The following LYPD6B variants were observed in gnomAD, a reference collection of about 807,000 sequenced individuals.
LYPD6B encodes the protein ly6/PLAUR domain-containing protein 6B.
A neutral mutation model predicts 22.8 loss-of-function variants in LYPD6B; 17 were observed. That is an observed-to-expected ratio of 0.75 (90% confidence interval 0.51 to 1.12). The LOEUF is 1.12. Ranked by LOEUF, LYPD6B falls within the 50% of genes most tolerant of loss-of-function variation. The pLI is 0.00. For missense variants in LYPD6B, 221 were observed against 258.3 expected (o/e 0.86, Z 0.99); for synonymous variants, 106 against 91.6 (o/e 1.16, Z -0.90).
intron 1 of LYPD6B, among the ~76,000 whole-genome samples, chr2:149,072,984 A>T (rs148122028): frequency 0.015 from 2,353 of 152,276 alleles, 58 homozygotes; most frequent in African/African-American, 0.054. Context: ...CTGGGATGGG[A>T]ACTTAACCTC....
intron 1 of LYPD6B, among the ~76,000 whole-genome samples, chr2:149,047,216 T>A (rs1574868057): frequency 6.6e-6 from 1 of 152,228 alleles, no homozygotes; most frequent in South Asian, 2.1e-4. Context: ...AATTTAACAT[T>A]TGTTGTAGTG....
intron 3 of LYPD6B, among the ~76,000 whole-genome samples, chr2:149,202,608 G>A (rs182735009): frequency 9.2e-5 from 14 of 152,218 alleles, no homozygotes; most frequent in Non-Finnish European, 1.6e-4. Context: ...TGTTTTGCCC[G>A]CATGTATTGC....
chr2:149,079,977 G>A (rs550283559), intron 1 of LYPD6B, among the ~76,000 whole-genome samples: 9 of 152,272 alleles, frequency 5.9e-5, no homozygotes, highest in African/African-American at 9.6e-5. Flanking sequence ...CTTCTTTCCC[G>A]ATTTCTGAGA....
intron 1 of LYPD6B, among the ~76,000 whole-genome samples, chr2:149,069,579 G>A (rs1226073283): frequency 1.3e-5 from 2 of 152,170 alleles, no homozygotes; most frequent in Non-Finnish European, 2.9e-5. Flanking sequence ...CAGGAAGGAT[G>A]TGTGGTCTGG....
intron 2 of LYPD6B, among the ~76,000 whole-genome samples, chr2:149,135,066 G>T (rs891446077): frequency 6.6e-6 from 1 of 151,944 alleles, no homozygotes; most frequent in South Asian, 2.1e-4. Flanking sequence ...CCGACATGAT[G>T]AAACCCCATC....
chr2:149,148,964 A>C (rs530443853), intron 2 of LYPD6B, among the ~76,000 whole-genome samples: 268 of 152,292 alleles, frequency 1.8e-3, no homozygotes, highest in African/African-American at 5.9e-3. Flanking sequence ...AGTGCTGTGA[A>C]GAGGTGGTGA....
intron 3 of LYPD6B, among the ~76,000 whole-genome samples, chr2:149,163,488 G>A (rs1485105402): frequency 6.6e-6 from 1 of 152,182 alleles, no homozygotes; most frequent in East Asian, 1.9e-4. Context: ...CCGGGCTTGT[G>A]TAAGAACCTT....
intron 1 of LYPD6B, among the ~76,000 whole-genome samples, chr2:149,042,761 A>T (rs1440161230): frequency 6.6e-6 from 1 of 152,236 alleles, no homozygotes; most frequent in African/African-American, 2.4e-5. Flanking sequence ...TGCAGTCATT[A>T]GAAACAAACT....
intron 2 of LYPD6B, among the ~76,000 whole-genome samples, chr2:149,132,908 A>G (rs1272770203): frequency 6.6e-6 from 1 of 152,144 alleles, no homozygotes; most frequent in East Asian, 1.9e-4. Context: ...ATTTTTTTCT[A>G]TGGTGCATTT....
intron 3 of LYPD6B, among the ~76,000 whole-genome samples, chr2:149,162,148 G>GGATCATCATCATCAT (rs903422364): frequency 6.6e-6 from 1 of 152,082 alleles, no homozygotes; most frequent in African/African-American, 2.4e-5. Flanking sequence ...AACAGTGTCA[G>GGATCATCATCATCAT]GATCATCATC....
intron 1 of LYPD6B, 22 bp from the exon 2 acceptor site, chr2:149,130,861 C>A: frequency 1.0e-6 from 1 of 972,794 alleles, no homozygotes; most frequent in South Asian, 1.3e-5. Flanking sequence ...ATAATGATAC[C>A]TTTTCATGTT....
chr2:149,138,411 C>T (rs940232273), intron 2 of LYPD6B, among the ~76,000 whole-genome samples: 7 of 152,216 alleles, frequency 4.6e-5, no homozygotes, highest in African/African-American at 9.6e-5. Flanking sequence ...GAAGGAGCTA[C>T]TGACTTTTAT....
At chr2:149,153,537 G>A (rs546246338) in intron 2 of LYPD6B, among the ~76,000 whole-genome samples, 2 of 152,140 alleles carry the variant, frequency 1.3e-5, no homozygotes, top group Non-Finnish European at 2.9e-5. Flanking sequence ...ATCACTTTGG[G>A]AGGCCGAGGC....
chr2:149,131,214 G>A, intron 2 of LYPD6B: 1 of 423,840 alleles, frequency 2.4e-6, no homozygotes. Context: ...GGTAGCTGCT[G>A]ATCTTAATTT....
intron 3 of LYPD6B, among the ~76,000 whole-genome samples, chr2:149,167,563 G>A (rs1489943408): frequency 6.6e-6 from 1 of 152,182 alleles, no homozygotes; most frequent in Admixed American, 6.5e-5. Context: ...AGACAGCTGG[G>A]TCTTCTGGGA....
chr2:149,139,031 A>G (rs1345308168), intron 2 of LYPD6B, among the ~76,000 whole-genome samples: 1 of 152,356 alleles, frequency 6.6e-6, no homozygotes, highest in Middle Eastern at 3.4e-3. Flanking sequence ...AAATCTTAAT[A>G]ACTCATTCAT....
chr2:149,129,720 G>A (rs1687909401), intron 1 of LYPD6B, among the ~76,000 whole-genome samples: 2 of 152,208 alleles, frequency 1.3e-5, no homozygotes, highest in South Asian at 2.1e-4. Context: ...CTAAGATGAG[G>A]TAGGTAAGAC....
chr2:149,080,952 A>G (rs1428823526), intron 1 of LYPD6B, among the ~76,000 whole-genome samples: 1 of 151,932 alleles, frequency 6.6e-6, no homozygotes, highest in Non-Finnish European at 1.5e-5. Flanking sequence ...TATAAAGAGT[A>G]GATGGGAGTT....
At chr2:149,154,298 CAG>C (rs1418873149) in intron 2 of LYPD6B, among the ~76,000 whole-genome samples, 1 of 151,926 alleles carries the variant, frequency 6.6e-6, no homozygotes, top group African/African-American at 2.4e-5. Context: ...GAAGAAAAGG[CAG>C]AGATTGGAGT....
Sources: gnomAD v4.1 joint callset for allele counts (sites outside exome capture counted in the v4.1 genomes callset) on GRCh38, gnomAD v4.1.1 for gene constraint, MANE v1.5 for transcripts, NCBI Gene and HGNC (gene_info 2026-07-23, HGNC 2026-07-21) for gene names.